The following TRIM37 variants were observed in gnomAD, a reference collection of about 807,000 sequenced individuals.
The protein encoded by TRIM37 is tripartite motif containing 37, also known as E3 ubiquitin-protein ligase TRIM37.
In TRIM37, 80 loss-of-function variants were observed where a neutral mutation model predicts 129.8. The ratio of observed to expected loss-of-function variants is 0.62; its 90% confidence interval spans 0.51 to 0.74. TRIM37 has a LOEUF of 0.74. Ranked by LOEUF, TRIM37 falls within the 30% of genes least tolerant of loss-of-function variation. TRIM37 has a pLI of 0.00. For synonymous variants in TRIM37, 389 were observed against 387.1 expected, an observed-to-expected ratio of 1.00 and a Z score of -0.06; for missense variants, 1,054 against 1,176.5, an observed-to-expected ratio of 0.90 and a Z score of 1.52.
At chr17:59,063,561 T>C (rs1019925328) in intron 10 of TRIM37, among the ~76,000 whole-genome samples, 30 of 152,210 alleles carry the variant, frequency 2.0e-4, no homozygotes, top group African/African-American at 6.8e-4. Context: ...TCCACTTCCA[T>C]GCTGCCCTCA....
intron 23 of TRIM37, among the ~76,000 whole-genome samples, chr17:59,000,437 T>G (rs1328126539): frequency 6.6e-6 from 1 of 152,076 alleles, no homozygotes; most frequent in Non-Finnish European, 1.5e-5. Flanking sequence ...CTGTCTCTAC[T>G]AAAAATTACA....
At chr17:59,102,873 A>C (rs35104446) in intron 2 of TRIM37, among the ~76,000 whole-genome samples, 37,627 of 152,008 alleles carry the variant, frequency 0.25, 5,055 homozygotes, top group African/African-American at 0.35. Flanking sequence ...ATAAGGAAAC[A>C]GAAATTTTTT....
At chr17:59,063,925 G>A (rs2041715201) in intron 10 of TRIM37, among the ~76,000 whole-genome samples, 1 of 152,112 alleles carries the variant, frequency 6.6e-6, no homozygotes, top group African/African-American at 2.4e-5. Flanking sequence ...AGGCTGAGGT[G>A]GGAGAATTAC....
At chr17:58,970,964 GTGT>G in the TRIM37 span, among the ~76,000 whole-genome samples, 366 of 151,806 alleles carry the variant, frequency 2.4e-3, no homozygotes, top group African/African-American at 3.8e-3. Context: ...TCAAAATTAT[GTGT>G]TGTTGTTGTT....
At chr17:58,988,028 C>T (rs769568934) in intron 24 of TRIM37, among the ~76,000 whole-genome samples, 23 of 152,152 alleles carry the variant, frequency 1.5e-4, no homozygotes, top group Non-Finnish European at 2.5e-4. Flanking sequence ...GCTGAGGTTG[C>T]AGAGTAACCA....
chr17:59,026,722 T>C (rs2037290182), intron 19 of TRIM37, among the ~76,000 whole-genome samples: 1 of 152,176 alleles, frequency 6.6e-6, no homozygotes, highest in Non-Finnish European at 1.5e-5. Flanking sequence ...TTTAAAGAAG[T>C]TGTGCATTTG....
exon 25 of TRIM37, chr17:58,982,910 A>C: frequency 6.3e-7 from 1 of 1,575,098 alleles, no homozygotes; most frequent in Non-Finnish European, 8.6e-7. Flanking sequence ...TGTCAGTTTC[A>C]AATCAAATTA....
chr17:59,106,344 T>C, intron 1 of TRIM37, 97 bp downstream of exon 1: 1 of 1,406,852 alleles, frequency 7.1e-7, no homozygotes, highest in East Asian at 2.5e-5. Context: ...GGGGTAGGGG[T>C]GCCCTACTGG....
chr17:59,063,824 T>C (rs1252052562), intron 10 of TRIM37, among the ~76,000 whole-genome samples: 2 of 152,220 alleles, frequency 1.3e-5, no homozygotes, highest in Non-Finnish European at 2.9e-5. Context: ...CCCCCCACCT[T>C]AGTCAAAGCT....
intron 19 of TRIM37, among the ~76,000 whole-genome samples, chr17:59,024,543 T>A (rs1057279027): frequency 6.6e-6 from 1 of 152,204 alleles, no homozygotes; most frequent in African/African-American, 2.4e-5. Context: ...TCTCTCTTTT[T>A]TTAAGAGAGA....
intron 21 of TRIM37, among the ~76,000 whole-genome samples, chr17:59,014,877 G>C (rs1337073985): frequency 2.0e-5 from 3 of 149,524 alleles, no homozygotes; most frequent in Non-Finnish European, 4.4e-5. Context: ...TATCTCTTGA[G>C]ACCATGGTGA....
rs997044973 is a variant in TRIM37, at chr17:59,106,570, C to A, written c.-109G>T. 4 of 1,378,102 alleles carry A rather than the reference C, an allele frequency of 2.9e-6. No individual in the cohort carries two copies. In the African/African-American group the frequency reaches 4.3e-5, roughly 15 times the overall value. The allele number at this position is 1,378,102 out of a possible 1,614,324, so 85.4% of individuals were successfully genotyped here. ...CAAATCGCCGATAAAAGCCCGGCGCCCACGTCAGGGGGCTCTGACAACCGC... is the reference window on the plus strand; with the variant it reads ...CAAATCGCCGATAAAAGCCCGGCGCACACGTCAGGGGGCTCTGACAACCGC... On this transcript the variant is annotated 5_prime_UTR_variant, in exon 1 of 24. Transcript: ENST00000262294.
intron 7 of TRIM37, among the ~76,000 whole-genome samples, chr17:59,079,154 C>A (rs2043058777): frequency 6.6e-6 from 1 of 151,828 alleles, no homozygotes; most frequent in African/African-American, 2.4e-5. Context: ...CAGCAAAACA[C>A]TGGAAGGACT....
chr17:59,087,712 C>A (rs1214948094), intron 4 of TRIM37, among the ~76,000 whole-genome samples: 2 of 152,006 alleles, frequency 1.3e-5, no homozygotes, highest in Admixed American at 1.3e-4. Flanking sequence ...CAGAAAGTGA[C>A]AAGGCTTTAT....
At chr17:59,041,792 G>A in intron 17 of TRIM37, 21 bp downstream of exon 17, 1 of 1,577,396 alleles carries the variant, frequency 6.3e-7, no homozygotes, top group Non-Finnish European at 8.7e-7. Flanking sequence ...TGGCTTGGAG[G>A]CAGTGGAGTG....
At chr17:59,083,935 T>C in intron 5 of TRIM37, 67 bp downstream of exon 5, 1 of 1,267,832 alleles carries the variant, frequency 7.9e-7, no homozygotes, top group Non-Finnish European at 1.2e-6. Flanking sequence ...CTATTTTCTA[T>C]CTGAATAAGT....
Position 59,049,169 on chromosome 17 carries a change from C to A in TRIM37, c.1530+9G>T. 1 of 1,610,720 alleles carries A rather than the reference C, an allele frequency of 6.2e-7. No individual in the cohort carries two copies. The highest frequency in any genetic ancestry group is 1.1e-5 in the South Asian group (1 of 90,996). ...AAACACAAAAATCTAAAACTGGCCT[C>A]ATTATTACATGATAATCTTCATTCT... On this transcript the variant is annotated intron_variant, in intron 15 of 23. Coordinates refer to ENST00000262294, the MANE Select transcript of TRIM37 (RefSeq NM_015294.6).
At chr17:58,970,192 G>A in the TRIM37 span, among the ~76,000 whole-genome samples, 4 of 152,168 alleles carry the variant, frequency 2.6e-5, no homozygotes, top group Non-Finnish European at 4.4e-5. Context: ...GGGAAAATTC[G>A]CTTGGAGAGG....
At chr17:59,024,596 C>T (rs373227326) in intron 19 of TRIM37, among the ~76,000 whole-genome samples, 10 of 152,184 alleles carry the variant, frequency 6.6e-5, no homozygotes, top group Admixed American at 3.9e-4. Flanking sequence ...GGCACGATCA[C>T]GGCTCACTGC....
Sources: gnomAD v4.1 joint callset for allele counts (sites outside exome capture counted in the v4.1 genomes callset) on GRCh38, gnomAD v4.1.1 for gene constraint, MANE v1.5 for transcripts, NCBI Gene and HGNC (gene_info 2026-07-23, HGNC 2026-07-21) for gene names.